Variants in PTPRO observed in about 807,000 individuals in gnomAD.
The protein encoded by PTPRO is protein tyrosine phosphatase receptor type O, also known as receptor-type tyrosine-protein phosphatase O.
In PTPRO, 62 loss-of-function variants were observed where a neutral mutation model predicts 145.2. The ratio of observed to expected loss-of-function variants is 0.43; its 90% confidence interval spans 0.35 to 0.53. The LOEUF (loss-of-function observed/expected upper bound fraction) is 0.53, where lower values mean the gene tolerates loss of function less well. PTPRO is among the 20% of genes least tolerant of loss of function. The pLI, the probability that PTPRO is intolerant of heterozygous loss-of-function variation, is 0.01. For synonymous variants in PTPRO, 565 were observed against 514.7 expected (o/e 1.10, Z -1.32); for missense variants, 1,345 against 1,482.7 (o/e 0.91, Z 1.53).
chr12:15,570,862 T>A (rs1194591243), intron 19 of PTPRO, among the ~76,000 whole-genome samples: 2 of 152,192 alleles, frequency 1.3e-5, no homozygotes, highest in African/African-American at 4.8e-5. Context: ...CACAGCTGGA[T>A]CATAACCTCT....
intron 19 of PTPRO, among the ~76,000 whole-genome samples, chr12:15,572,782 A>T (rs2135619903): frequency 6.6e-6 from 1 of 151,540 alleles, no homozygotes; most frequent in African/African-American, 2.4e-5. Flanking sequence ...GTTGAACTAG[A>T]TCAATGGTTC....
At chr12:15,513,099 GA>G (rs1438171649) in intron 7 of PTPRO, among the ~76,000 whole-genome samples, 1,558 of 17,050 alleles carry the variant, frequency 0.091, 171 homozygotes, top group African/African-American at 0.14. Context: ...AAAGAAGAAA[GA>G]AAGAAAGAAA....
intron 21 of PTPRO, 70 bp downstream of exon 21, chr12:15,580,185 A>C: frequency 8.2e-7 from 1 of 1,216,892 alleles, no homozygotes; most frequent in South Asian, 1.2e-5. Flanking sequence ...GGCTATATGG[A>C]TGTGTCAAAC....
intron 1 of PTPRO, among the ~76,000 whole-genome samples, chr12:15,380,542 T>G (rs745844881): frequency 3.3e-5 from 5 of 152,152 alleles, no homozygotes; most frequent in Non-Finnish European, 7.4e-5. Context: ...AAATGGTATT[T>G]GGATCATTCT....
chr12:15,354,602 AT>A (rs1179533051), intron 1 of PTPRO, among the ~76,000 whole-genome samples: 1 of 152,186 alleles, frequency 6.6e-6, no homozygotes, highest in African/African-American at 2.4e-5. Flanking sequence ...ATCTAAGAGA[AT>A]CACTAAGCAT....
At chr12:15,594,913 A>G in intron 25 of PTPRO, 24 bp from the exon 26 acceptor site, 1 of 1,555,596 alleles carries the variant, frequency 6.4e-7, no homozygotes, top group Non-Finnish European at 8.9e-7. Context: ...CTGCTCTGAA[A>G]CCTGTTTTTG....
chr12:15,504,524 G>A (rs7967058), intron 6 of PTPRO, among the ~76,000 whole-genome samples: 146,602 of 152,248 alleles, frequency 0.96, 70,639 homozygotes, highest in Middle Eastern at 1. Context: ...AAACTGGTGG[G>A]AAAAGTCATA....
At chr12:15,370,395 C>T (rs192944107) in intron 1 of PTPRO, among the ~76,000 whole-genome samples, 3 of 152,164 alleles carry the variant, frequency 2.0e-5, no homozygotes, top group East Asian at 3.9e-4. Flanking sequence ...CAAATAAATT[C>T]CAAAGTGATT....
intron 1 of PTPRO, among the ~76,000 whole-genome samples, chr12:15,356,713 A>T (rs1320085687): frequency 6.6e-6 from 1 of 152,172 alleles, no homozygotes; most frequent in East Asian, 1.9e-4. Flanking sequence ...ACCTTTCTGA[A>T]AATCAGTTCA....
chr12:15,593,171 C>T (rs181118267), intron 25 of PTPRO, among the ~76,000 whole-genome samples: 35 of 152,222 alleles, frequency 2.3e-4, no homozygotes, highest in East Asian at 1.7e-3. Context: ...GATAGGATAC[C>T]ATCACCACAA....
chr12:15,548,945 G>C, intron 13 of PTPRO, 149 bp from the exon 14 acceptor site: 1 of 863,304 alleles, frequency 1.2e-6, no homozygotes, highest in Admixed American at 2.1e-5. Context: ...TGGGGAATGG[G>C]GAAAAAAGGA....
At chr12:15,384,442 G>A (rs1172522535) in intron 1 of PTPRO, among the ~76,000 whole-genome samples, 1 of 152,102 alleles carries the variant, frequency 6.6e-6, no homozygotes, top group Admixed American at 6.6e-5. Context: ...AGCTAAGATC[G>A]AGGTTCTGGC....
intron 23 of PTPRO, among the ~76,000 whole-genome samples, chr12:15,584,784 T>G (rs951093758): frequency 7.9e-5 from 12 of 152,210 alleles, no homozygotes; most frequent in African/African-American, 2.9e-4. Flanking sequence ...CATATTGATA[T>G]GTGGAAACTT....
At chr12:15,368,646 A>G (rs539601840) in intron 1 of PTPRO, among the ~76,000 whole-genome samples, 1 of 152,316 alleles carries the variant, frequency 6.6e-6, no homozygotes, top group Non-Finnish European at 1.5e-5. Context: ...ATAAATATGA[A>G]GTTTATTCAT....
intron 18 of PTPRO, among the ~76,000 whole-genome samples, chr12:15,568,303 G>T (rs529160383): frequency 6.6e-6 from 1 of 152,206 alleles, no homozygotes; most frequent in Middle Eastern, 3.4e-3. Flanking sequence ...GGTGGCACCT[G>T]CCTGTAGTCC....
intron 2 of PTPRO, among the ~76,000 whole-genome samples, chr12:15,492,194 AAG>A (rs1033134354): frequency 3.3e-5 from 5 of 152,172 alleles, no homozygotes; most frequent in African/African-American, 1.2e-4. Context: ...AAGGCATAAT[AAG>A]AGAGAAATGG....
At chr12:15,488,498 C>G (rs546460425) in intron 2 of PTPRO, among the ~76,000 whole-genome samples, 1 of 152,128 alleles carries the variant, frequency 6.6e-6, no homozygotes, top group Non-Finnish European at 1.5e-5. Flanking sequence ...TTTTTGCCAT[C>G]TTTATTTTTC....
At chr12:15,422,690 C>T (rs546391790) in intron 1 of PTPRO, among the ~76,000 whole-genome samples, 34 of 152,260 alleles carry the variant, frequency 2.2e-4, no homozygotes, top group African/African-American at 8.2e-4. Flanking sequence ...TTTTCAGGCT[C>T]ATCTTATTAG....
At chr12:15,462,032 C>G (rs1439458140) in intron 1 of PTPRO, among the ~76,000 whole-genome samples, 3 of 152,158 alleles carry the variant, frequency 2.0e-5, no homozygotes, top group Non-Finnish European at 4.4e-5. Context: ...AGGTGCTATG[C>G]TCATCTTCTG....
Sources: gnomAD v4.1 joint callset for allele counts (sites outside exome capture counted in the v4.1 genomes callset) on GRCh38, gnomAD v4.1.1 for gene constraint, MANE v1.5 for transcripts, NCBI Gene and HGNC (gene_info 2026-07-23, HGNC 2026-07-21) for gene names.